DPYSL5: variants seen among roughly 807,000 people sequenced by gnomAD.
DPYSL5 encodes the protein dihydropyrimidinase-related protein 5.
A neutral mutation model predicts 58.4 loss-of-function variants in DPYSL5; 9 were observed. The ratio of observed to expected loss-of-function variants is 0.15; its 90% CI spans 0.09 to 0.27. DPYSL5 has a LOEUF of 0.27. Ranked by LOEUF, DPYSL5 falls within the 10% of genes least tolerant of loss-of-function variation. The pLI, the probability that DPYSL5 is intolerant of heterozygous loss-of-function variation, is 1.00. For synonymous variants in DPYSL5, 293 were observed against 301.9 expected (o/e 0.97, Z 0.31); for missense variants, 499 against 770.6 (o/e 0.65, Z 4.17).
At chr2:26,946,718 C>CACTTT (rs1259154619) in intron 12 of DPYSL5, among the ~76,000 whole-genome samples, 192 bp from the exon 13 acceptor site, 1 of 152,064 alleles carries the variant, frequency 6.6e-6, no homozygotes, top group Admixed American at 6.5e-5. Context: ...CAGGCTCTGC[C>CACTTT]ACTTACACAC....
In DPYSL5 at chr2:26,927,175, C is replaced by A; in HGVS notation, c.421-78C>A. 6.9e-7 allele frequency: 1 copy of A among 1,449,532 alleles called. No individual in the cohort carries two copies. Among genetic ancestry groups the A allele is most frequent in the African/African-American group, 1.4e-5 (1 of 71,452 alleles). 89.8% of individuals were successfully genotyped at this position (1,449,532 alleles called of 1,614,324 possible). On this transcript the variant is annotated intron_variant, in intron 3 of 12. Transcript: ENST00000288699. The surrounding 1 kb of genome is among the most constrained non-coding windows in gnomAD (Gnocchi z 4.3). ...GCTGGGGCAGGCCCCACATCTCCCCCATGCTGGGCCGGTGCCTGCCAGTCG... is the reference window on the plus strand; with the variant it reads ...GCTGGGGCAGGCCCCACATCTCCCCAATGCTGGGCCGGTGCCTGCCAGTCG...
intron 9 of DPYSL5, among the ~76,000 whole-genome samples, chr2:26,940,877 G>A (rs1322810855): frequency 6.6e-6 from 1 of 151,160 alleles, no homozygotes; most frequent in Non-Finnish European, 1.5e-5. Flanking sequence ...TAATGCTGAG[G>A]AGAACCTCTT....
intron 1 of DPYSL5, among the ~76,000 whole-genome samples, chr2:26,864,236 C>A (rs1666087579): frequency 6.6e-6 from 1 of 152,192 alleles, no homozygotes; most frequent in Non-Finnish European, 1.5e-5. Flanking sequence ...TGAATCCAGA[C>A]CCTGTCTCAT....
intron 2 of DPYSL5, among the ~76,000 whole-genome samples, chr2:26,903,550 G>T (rs560330658): frequency 2.0e-5 from 3 of 152,150 alleles, no homozygotes; most frequent in East Asian, 1.9e-4. Context: ...CATCATCCCT[G>T]GTGATTCTGA....
chr2:26,854,471 C>A, intron 1 of DPYSL5, among the ~76,000 whole-genome samples: 1 of 151,968 alleles, frequency 6.6e-6, no homozygotes, highest in East Asian at 1.9e-4. Flanking sequence ...AAACAAAAAA[C>A]CACAACAACA....
intron 3 of DPYSL5, among the ~76,000 whole-genome samples, chr2:26,926,270 A>C (rs1664828345): frequency 6.6e-6 from 1 of 152,070 alleles, no homozygotes; most frequent in Non-Finnish European, 1.5e-5. Flanking sequence ...GATCACGCTG[A>C]ATGTCAGCCA....
Position 26,944,585 on chromosome 2 carries a change from A to C in DPYSL5, c.1441-71A>C. The stretch of plus-strand genomic sequence containing the variant: ...TCTAATGTCCCACCGGCCCCCAGGG[A>C]GGCCATGGTTGTATCACTCAGCTCT... On this transcript the variant is annotated intron_variant, in intron 11 of 12. Transcript: ENST00000288699. This position sits in a 1 kb window ranked among gnomAD's most constrained non-coding sequence, Gnocchi z 4.4. 2 of 1,501,090 alleles carry C rather than the reference A, an allele frequency of 1.3e-6. No individual in the cohort carries two copies. Among genetic ancestry groups the C allele is most frequent in the Non-Finnish European group, 1.8e-6 (2 of 1,100,312 alleles). The allele number at this position is 1,501,090 out of a possible 1,614,324, so 93.0% of individuals were successfully genotyped here.
chr2:26,919,249 A>G (rs1664648362), intron 2 of DPYSL5, among the ~76,000 whole-genome samples: 1 of 152,192 alleles, frequency 6.6e-6, no homozygotes, highest in Non-Finnish European at 1.5e-5. Context: ...TCTGAAGTAT[A>G]AAGATGGTGT....
At chr2:26,885,481 C>T (rs912195376) in intron 1 of DPYSL5, among the ~76,000 whole-genome samples, 7 of 152,146 alleles carry the variant, frequency 4.6e-5, no homozygotes, top group Non-Finnish European at 7.3e-5. Flanking sequence ...CAGGTACAAA[C>T]GCCCCAGTCC....
At chr2:26,850,783 T>A (rs1419944041) in intron 1 of DPYSL5, among the ~76,000 whole-genome samples, 1 of 152,156 alleles carries the variant, frequency 6.6e-6, no homozygotes, top group Admixed American at 6.5e-5. Flanking sequence ...AGGCCTCTTG[T>A]CTGAGTGTCC....
intron 2 of DPYSL5, among the ~76,000 whole-genome samples, chr2:26,904,471 A>C (rs1448662262): frequency 1.3e-5 from 2 of 152,132 alleles, no homozygotes; most frequent in African/African-American, 2.4e-5. Context: ...CTTCCTGCTC[A>C]TGGGGATCCA....
intron 1 of DPYSL5, among the ~76,000 whole-genome samples, chr2:26,872,239 G>A (rs1466093121): frequency 6.6e-6 from 1 of 152,172 alleles, no homozygotes; most frequent in African/African-American, 2.4e-5. Context: ...CCTAAGTAGG[G>A]CAACAGTAGT....
In DPYSL5 at chr2:26,944,715, G is replaced by A. The variant is rs762535069; in HGVS notation, c.1500G>A (p.Val500=). The change falls in exon 12 of 13, where the codon GTG becomes GTA. Residue 500 remains valine, a synonymous_variant. Transcript: ENST00000288699. The surrounding 1 kb of genome is among the most constrained non-coding windows in gnomAD (Gnocchi z 4.4). The stretch of plus-strand genomic sequence containing the variant: ...ACCTGGGGGATGTCGCTGTTGTCGT[G>A]CACCCTGGGAAAAAAGAGATGGGAA... ...TPYLGDVAVV[V]HPGKKEMGTP... The A allele has an allele frequency of 3.1e-6, 5 of 1,614,056 alleles. No individual in the cohort carries two copies. Among genetic ancestry groups the A allele is most frequent in the South Asian group, 2.2e-5 (2 of 91,082 alleles).
At chr2:26,888,163 A>ATTCT (rs111399707) in intron 1 of DPYSL5, among the ~76,000 whole-genome samples, 1,840 of 151,200 alleles carry the variant, frequency 0.012, 45 homozygotes, top group African/African-American at 0.043. Flanking sequence ...CATACTTCTG[A>ATTCT]TTCTTTCTTT....
chr2:26,917,643 C>A (rs571873641), intron 2 of DPYSL5, among the ~76,000 whole-genome samples: 2 of 152,074 alleles, frequency 1.3e-5, no homozygotes, highest in African/African-American at 4.8e-5. Context: ...CCTCAGCAAC[C>A]CCCCACCCAT....
chr2:26,915,559 C>A (rs1399448836), intron 2 of DPYSL5, among the ~76,000 whole-genome samples: 1 of 152,176 alleles, frequency 6.6e-6, no homozygotes, highest in Admixed American at 6.5e-5. Context: ...TCAGCTCTTC[C>A]AGAGTGCTTT....
chr2:26,898,785 G>A lies in DPYSL5; in HGVS notation c.261+25G>A. ...GGTAATGCTCCTGTTTGCCAAAGGT[G>A]GCTTCCTCTTTGGCTTTTTTATTCT... On this transcript the variant is annotated intron_variant, in intron 2 of 12. Coordinates refer to ENST00000288699, the MANE Select transcript of DPYSL5 (RefSeq NM_020134.4). The surrounding 1 kb of genome is among the most constrained non-coding windows in gnomAD (Gnocchi z 6.1). 1.3e-6 allele frequency: 2 copies of A among 1,582,838 alleles called. No individual in the cohort carries two copies. The highest frequency in any genetic ancestry group is 1.2e-5 in the South Asian group (1 of 86,586).
chr2:26,856,248 TAAAAAAGGGA>T (rs1558318863), intron 1 of DPYSL5, among the ~76,000 whole-genome samples: 1 of 152,034 alleles, frequency 6.6e-6, no homozygotes, highest in Admixed American at 6.6e-5. Context: ...TCTTATTATT[TAAAAAAGGGA>T]AAAAAAGAAA....
intron 1 of DPYSL5, among the ~76,000 whole-genome samples, chr2:26,872,479 C>T (rs576987065): frequency 1.3e-5 from 2 of 152,256 alleles, no homozygotes; most frequent in South Asian, 4.1e-4. Flanking sequence ...ATCACGAGGG[C>T]AGGAGTTCAA....
Sources: gnomAD v4.1 joint callset for allele counts (sites outside exome capture counted in the v4.1 genomes callset) on GRCh38, gnomAD v4.1.1 for gene constraint, Gnocchi (gnomAD v3.1) non-coding constraint, MANE v1.5 for transcripts, NCBI Gene and HGNC (gene_info 2026-07-23, HGNC 2026-07-21) for gene names.